The following L3MBTL4 variants were observed in gnomAD, a reference collection of about 807,000 sequenced individuals.
L3MBTL4 encodes L3MBTL histone methyl-lysine binding protein 4.
A neutral mutation model predicts 84.5 loss-of-function variants in L3MBTL4; 70 were observed. That is an observed-to-expected ratio of 0.83 (90% CI 0.68 to 1.01). The LOEUF (loss-of-function observed/expected upper bound fraction) is 1.01. Among genes scored for constraint, L3MBTL4 ranks in the 50% least tolerant of loss-of-function variants. The probability of loss-of-function intolerance (pLI) is 0.00; values close to 1 mark genes in which losing one functional copy is unlikely to be tolerated. For synonymous variants in L3MBTL4, 274 were observed against 259.8 expected, an observed-to-expected ratio of 1.05 and a Z score of -0.52; for missense variants, 715 against 754.8, an observed-to-expected ratio of 0.95 and a Z score of 0.62.
chr18:6,030,501 CTTTTTTT>C (rs112869054), intron 16 of L3MBTL4: 1 of 695,602 alleles, frequency 1.4e-6, no homozygotes, highest in South Asian at 6.4e-5. Flanking sequence ...TGAAGAGACT[CTTTTTTT>C]TTTTTTTGGA....
chr18:6,299,001 A>T (rs2050221973), intron 4 of L3MBTL4, among the ~76,000 whole-genome samples: 2 of 152,240 alleles, frequency 1.3e-5, no homozygotes, highest in Admixed American at 1.3e-4. Flanking sequence ...TCACTTGTTC[A>T]ACTGAATAAA....
chr18:6,027,230 C>A (rs145755834), intron 16 of L3MBTL4, among the ~76,000 whole-genome samples: 53 of 152,292 alleles, frequency 3.5e-4, no homozygotes, highest in Middle Eastern at 3.4e-3. Context: ...GTTCCCCTCC[C>A]TGTGTCCATG....
rs1270616748 is a variant in L3MBTL4, at chr18:6,031,197, T to A, written c.1444+49684A>T. On this transcript the variant is annotated intron_variant, in intron 16 of 18. Coordinates refer to ENST00000317931, the MANE Select transcript of L3MBTL4 (RefSeq NM_001330559.2). ...CTCCTCCCCCGTGGGAGTAGAATGA[T>A]CATTGAGCATTATTTTAGTTTCTGT... 5 of 985,306 alleles carry A rather than the reference T, an allele frequency of 5.1e-6. No individual in the cohort carries two copies. The African/African-American group carries it at 7.0e-5, about 14-fold the overall frequency. 61.0% of individuals were successfully genotyped at this position (985,306 alleles called of 1,614,324 possible).
At chr18:6,264,709 A>G (rs934537311) in intron 4 of L3MBTL4, among the ~76,000 whole-genome samples, 1 of 152,120 alleles carries the variant, frequency 6.6e-6, no homozygotes, top group African/African-American at 2.4e-5. Context: ...GCTTGAACCC[A>G]GGAGGTGGAG....
chr18:6,060,899 A>T (rs1392805344), intron 16 of L3MBTL4, among the ~76,000 whole-genome samples: 1 of 152,114 alleles, frequency 6.6e-6, no homozygotes, highest in Non-Finnish European at 1.5e-5. Flanking sequence ...CCTATTATCC[A>T]TTCACCTATT....
chr18:5,978,256 A>T (rs980955195), intron 16 of L3MBTL4, among the ~76,000 whole-genome samples: 1 of 152,220 alleles, frequency 6.6e-6, no homozygotes, highest in African/African-American at 2.4e-5. Context: ...TTCATACACG[A>T]GCAGCAGATA....
chr18:6,023,616 G>T (rs1210645773), intron 16 of L3MBTL4, among the ~76,000 whole-genome samples: 1 of 152,206 alleles, frequency 6.6e-6, no homozygotes, highest in African/African-American at 2.4e-5. Flanking sequence ...TATGTAAAAA[G>T]AAGGGGAGAG....
intron 12 of L3MBTL4, among the ~76,000 whole-genome samples, chr18:6,201,261 G>C (rs796810697): frequency 2.0e-5 from 3 of 152,178 alleles, no homozygotes; most frequent in Non-Finnish European, 2.9e-5. Flanking sequence ...TTCTCCCACT[G>C]CAACAAGTAG....
intron 1 of L3MBTL4, among the ~76,000 whole-genome samples, chr18:6,326,878 G>T (rs566637455): frequency 1.3e-5 from 2 of 152,258 alleles, no homozygotes; most frequent in East Asian, 1.9e-4. Context: ...ATTAAGCATT[G>T]TATGTTCATT....
chr18:6,129,632 G>T (rs1260321928), intron 14 of L3MBTL4, among the ~76,000 whole-genome samples: 1 of 152,072 alleles, frequency 6.6e-6, no homozygotes, highest in African/African-American at 2.4e-5. Flanking sequence ...TGAGATTCAG[G>T]TCTGGGTTCT....
rs543756830 is a variant in L3MBTL4 at position 6,034,780 on chromosome 18, C to T, written c.1444+46101G>A. Among the ~76,000 whole-genome samples, 1,283 of 151,590 alleles carry T rather than the reference C, an allele frequency of 8.5e-3. 8 individuals are homozygous for T. The highest frequency in any genetic ancestry group is 0.012 in the Non-Finnish European group (825 of 67,718). ...GTCCCACCAACAGTGTAAAAGTGTT[C>T]CTATTTCTCCACATCCTCTCCAGCA... On this transcript the variant is annotated intron_variant, in intron 16 of 18. Transcript: ENST00000317931.
chr18:6,071,745 GAAAGAAAGAAAGAAAA>G (rs1383947456), intron 16 of L3MBTL4, among the ~76,000 whole-genome samples: 2 of 58,832 alleles, frequency 3.4e-5, no homozygotes, highest in South Asian at 1.2e-3. Context: ...AAGAAGGAAG[GAAAGAAAGAAAGAAAA>G]AAAGAAAGAA....
At chr18:6,350,376 T>C (rs977798923) in intron 1 of L3MBTL4, among the ~76,000 whole-genome samples, 2 of 152,080 alleles carry the variant, frequency 1.3e-5, no homozygotes, top group Admixed American at 6.5e-5. Flanking sequence ...ATCCAGAATA[T>C]ATAAAGAACT....
At chr18:5,972,080 G>A (rs924477108) in intron 16 of L3MBTL4, among the ~76,000 whole-genome samples, 12 of 152,158 alleles carry the variant, frequency 7.9e-5, no homozygotes, top group African/African-American at 2.9e-4. Flanking sequence ...TCCTGCATGG[G>A]CACTGGGGAA....
In L3MBTL4 at chr18:6,257,621, TTTTTTC is replaced by T. The variant is rs1180116600; in HGVS notation, c.219+6320_219+6325del. ...CATTCTAAAAGGAAATGTTCTTTTCTTTTTTCTTTTTCTTTTTCTTTTTCTTTTTTT... is the reference window on the plus strand; with the variant it reads ...CATTCTAAAAGGAAATGTTCTTTTCTTTTTTCTTTTTCTTTTTCTTTTTTT... On this transcript the variant is annotated intron_variant, in intron 5 of 18. Coordinates refer to ENST00000317931, the MANE Select transcript of L3MBTL4 (RefSeq NM_001330559.2). Among the ~76,000 whole-genome samples the T allele has an allele frequency of 8.5e-3, 1,282 of 151,454 alleles. 15 individuals carry two copies. Among genetic ancestry groups the T allele is most frequent in the African/African-American group, 0.028 (1,143 of 41,100 alleles).
rs144160053 is a variant in L3MBTL4 at position 6,094,374 on chromosome 18, C to T, written c.1200-846G>A. Among the ~76,000 whole-genome samples, 367 of 152,268 alleles carry T rather than the reference C, an allele frequency of 2.4e-3. 1 individual carries two copies. Among genetic ancestry groups the T allele is most frequent in the African/African-American group, 8.5e-3 (353 of 41,560 alleles). ...CTGGGGAAGGTACTTCCTGCCAGAG[C>T]TTCAGAGATTCTCCCCAGTGAAATG... On this transcript the variant is annotated intron_variant, in intron 14 of 18. Coordinates refer to ENST00000317931, the MANE Select transcript of L3MBTL4 (RefSeq NM_001330559.2).
intron 10 of L3MBTL4, among the ~76,000 whole-genome samples, chr18:6,216,713 C>A (rs560445142): frequency 1.2e-4 from 18 of 152,204 alleles, no homozygotes; most frequent in African/African-American, 4.1e-4. Context: ...AATATGTATT[C>A]TTCTCACTTT....
At chr18:6,393,242 C>T (rs573199991) in intron 1 of L3MBTL4, among the ~76,000 whole-genome samples, 103 of 152,246 alleles carry the variant, frequency 6.8e-4, no homozygotes, top group African/African-American at 2.4e-3. Flanking sequence ...CACTATCTCA[C>T]GTTAGCTTTC....
intron 4 of L3MBTL4, among the ~76,000 whole-genome samples, chr18:6,278,050 G>A (rs1599453725): frequency 1.3e-5 from 2 of 151,966 alleles, no homozygotes; most frequent in East Asian, 1.9e-4. Context: ...ACATATATAT[G>A]TATTTTTTAA....
Sources: gnomAD v4.1 joint callset for allele counts (sites outside exome capture counted in the v4.1 genomes callset) on GRCh38, gnomAD v4.1.1 for gene constraint, MANE v1.5 for transcripts, NCBI Gene and HGNC (gene_info 2026-07-23, HGNC 2026-07-21) for gene names.